PIP5K1B: variants seen among roughly 807,000 people sequenced by gnomAD.
PIP5K1B encodes phosphatidylinositol 4-phosphate 5-kinase type-1 beta.
Under a neutral mutation model 67.0 loss-of-function variants are expected in PIP5K1B, and 42 were observed. The ratio of observed to expected loss-of-function variants is 0.63; its 90% CI spans 0.49 to 0.81. The LOEUF is 0.81. Ranked by LOEUF, PIP5K1B falls within the 30% of genes least tolerant of loss-of-function variation. The probability of loss-of-function intolerance (pLI) is 0.00; values close to 1 mark genes in which losing one functional copy is unlikely to be tolerated. For synonymous variants in PIP5K1B, 214 were observed against 231.4 expected, an observed-to-expected ratio of 0.92 and a Z score of 0.68; for missense variants, 459 against 646.3, an observed-to-expected ratio of 0.71 and a Z score of 3.14.
intron 14 of PIP5K1B, among the ~76,000 whole-genome samples, chr9:68,977,779 C>G (rs957865868): frequency 1.3e-5 from 2 of 151,302 alleles, no homozygotes; most frequent in African/African-American, 4.9e-5. Context: ...CTCAGCCTCC[C>G]GAGTAGCTGG....
intron 14 of PIP5K1B, among the ~76,000 whole-genome samples, chr9:68,965,411 C>G (rs1828968812): frequency 6.6e-6 from 1 of 152,170 alleles, no homozygotes; most frequent in Non-Finnish European, 1.5e-5. Context: ...AGCCTTTCTG[C>G]CTGAACTCTA....
intron 2 of PIP5K1B, among the ~76,000 whole-genome samples, chr9:68,767,294 A>G (rs184602487): frequency 1.3e-5 from 2 of 152,366 alleles, no homozygotes; most frequent in African/African-American, 4.8e-5. Flanking sequence ...ATACCATCAG[A>G]TAGAATTTAG....
chr9:68,980,867 C>CA (rs900664267), intron 14 of PIP5K1B, among the ~76,000 whole-genome samples: 4 of 151,158 alleles, frequency 2.6e-5, no homozygotes, highest in Non-Finnish European at 5.9e-5. Context: ...ACTTAGGGGG[C>CA]AAAAAAAAGA....
intron 4 of PIP5K1B, among the ~76,000 whole-genome samples, chr9:68,841,590 A>AT (rs1821926225): frequency 1.3e-5 from 2 of 152,178 alleles, no homozygotes; most frequent in Admixed American, 1.3e-4. Context: ...ACTTAGATGG[A>AT]TTTTTTAATA....
intron 2 of PIP5K1B, among the ~76,000 whole-genome samples, chr9:68,803,262 C>G (rs1434824548): frequency 3.9e-5 from 6 of 151,974 alleles, no homozygotes; most frequent in Non-Finnish European, 7.4e-5. Flanking sequence ...CTATAGAAAC[C>G]CTAAAAGCAG....
intron 5 of PIP5K1B, among the ~76,000 whole-genome samples, chr9:68,874,334 GTTA>G (rs1162901497): frequency 6.6e-6 from 1 of 152,024 alleles, no homozygotes; most frequent in Admixed American, 6.6e-5. Context: ...CCAAATACCT[GTTA>G]TTATTTCTGT....
intron 11 of PIP5K1B, among the ~76,000 whole-genome samples, chr9:68,920,784 T>TCTCTCTCTCTCACACACACACA (rs879785029): frequency 7.0e-6 from 1 of 142,132 alleles, no homozygotes; most frequent in African/African-American, 2.8e-5. Flanking sequence ...TCTCTCTCTC[T>TCTCTCTCTCTCACACACACACA]CACACACATA....
rs868832398 is a variant in PIP5K1B at position 68,919,237 on chromosome 9, G to A, written c.984-242G>A. 1.5e-4 allele frequency among the ~76,000 whole-genome samples: 23 copies of A among 151,980 alleles called. 2 individuals are homozygous for A. The Middle Eastern group carries it at 0.02, about 135-fold the overall frequency. ...CCAACTCTTCACGGTTAGCAGCTAC[G>A]ATATTATTCTCCTTTGTAGGGAAGT... On this transcript the variant is annotated intron_variant, in intron 9 of 15. Transcript: ENST00000265382.
chr9:68,726,775 G>A (rs535667060), intron 1 of PIP5K1B, among the ~76,000 whole-genome samples: 22 of 152,232 alleles, frequency 1.4e-4, no homozygotes, highest in Non-Finnish European at 2.1e-4. Context: ...GAGAGTTTCC[G>A]TTGCTTCAAC....
At chr9:68,969,539 GA>G (rs377493962) in intron 14 of PIP5K1B, among the ~76,000 whole-genome samples, 2 of 149,952 alleles carry the variant, frequency 1.3e-5, no homozygotes, top group African/African-American at 4.9e-5. Context: ...ACTAGGGGAA[GA>G]AAAAAAAACA....
intron 11 of PIP5K1B, among the ~76,000 whole-genome samples, chr9:68,922,547 G>T (rs1826459162): frequency 6.6e-6 from 1 of 151,972 alleles, no homozygotes; most frequent in Non-Finnish European, 1.5e-5. Flanking sequence ...GTCTACAAGT[G>T]TACAGCTTGG....
At chr9:68,879,479 A>C (rs538080233) in intron 6 of PIP5K1B, among the ~76,000 whole-genome samples, 6 of 152,314 alleles carry the variant, frequency 3.9e-5, no homozygotes, top group African/African-American at 1.4e-4. Context: ...GAGGCAGGAG[A>C]ATCACTTGAA....
intron 4 of PIP5K1B, among the ~76,000 whole-genome samples, chr9:68,859,261 T>C (rs1822935787): frequency 6.6e-6 from 1 of 152,228 alleles, no homozygotes; most frequent in South Asian, 2.1e-4. Flanking sequence ...CAAGCTGATA[T>C]TCATTTTCCT....
At chr9:68,839,936 C>A (rs1220505025) in intron 4 of PIP5K1B, among the ~76,000 whole-genome samples, 5 of 152,192 alleles carry the variant, frequency 3.3e-5, no homozygotes, top group African/African-American at 1.2e-4. Context: ...AACAAATTGT[C>A]CTCTAGGACC....
At position 69,008,538 on chromosome 9, in the gene PIP5K1B, A is replaced by G; in HGVS notation, c.*89A>G. ...CTCCGCACCAGAATTATCCACAGCA[A>G]CTTGGCTGAGCCCCACTACACACAG... On this transcript the variant is annotated 3_prime_UTR_variant, in exon 16 of 16. Transcript: ENST00000265382. 1 of 1,317,144 alleles carries G rather than the reference A, an allele frequency of 7.6e-7. No individual in the cohort carries two copies. Among genetic ancestry groups the G allele is most frequent in the Non-Finnish European group, 1.1e-6 (1 of 910,022 alleles). The allele number at this position is 1,317,144 out of a possible 1,614,324, so 81.6% of individuals were successfully genotyped here. A position where few individuals can be genotyped will look rare whatever the true frequency, so the allele number is the denominator to read the frequency against.
At chr9:68,724,030 T>G (rs1305116314) in intron 1 of PIP5K1B, among the ~76,000 whole-genome samples, 2 of 152,052 alleles carry the variant, frequency 1.3e-5, no homozygotes, top group Admixed American at 1.3e-4. Context: ...TTTAATGCAT[T>G]TTGAGTTGAT....
chr9:68,733,783 G>T (rs1430368195), intron 1 of PIP5K1B, among the ~76,000 whole-genome samples: 1 of 151,980 alleles, frequency 6.6e-6, no homozygotes, highest in Non-Finnish European at 1.5e-5. Flanking sequence ...GGGACTACAG[G>T]TGCAGGCTAC....
At position 68,911,863 on chromosome 9, in the gene PIP5K1B, T is replaced by C. The variant is rs145436303; in HGVS notation, c.772-5685T>C. 1.2e-3 allele frequency among the ~76,000 whole-genome samples: 187 copies of C among 152,312 alleles called. No homozygotes were observed. In the Middle Eastern group the frequency reaches 0.017, roughly 14 times the overall value. On this transcript the variant is annotated intron_variant, in intron 8 of 15. Coordinates refer to ENST00000265382, the MANE Select transcript of PIP5K1B (RefSeq NM_003558.4). Reference sequence around the variant, plus strand: ...GCACCACTGCCTCCAGCCTGGGTGATGGAGTGAGACTCTGTTTCAAAAAAA... The same window carrying C: ...GCACCACTGCCTCCAGCCTGGGTGACGGAGTGAGACTCTGTTTCAAAAAAA...
At chr9:68,800,260 A>AT (rs1167040491) in intron 2 of PIP5K1B, among the ~76,000 whole-genome samples, 2 of 152,078 alleles carry the variant, frequency 1.3e-5, no homozygotes, top group African/African-American at 2.4e-5. Context: ...TGTGGCTACC[A>AT]TTTTTTCTCT....
Sources: allele counts gnomAD v4.1 joint callset (sites outside exome capture counted in the v4.1 genomes callset), GRCh38; gene constraint gnomAD v4.1.1; transcripts MANE v1.5; gene names NCBI Gene and HGNC (gene_info 2026-07-23, HGNC 2026-07-21).